IL1RAPL1: variants seen among roughly 807,000 people sequenced by gnomAD.
The protein encoded by IL1RAPL1 is interleukin 1 receptor accessory protein like 1.
Under a neutral mutation model 48.4 loss-of-function variants are expected in IL1RAPL1, and 3 were observed. The ratio of observed to expected loss-of-function variants is 0.06; its 90% CI spans 0.03 to 0.16. IL1RAPL1 has a LOEUF of 0.16. IL1RAPL1 is among the 10% of genes least tolerant of loss of function. IL1RAPL1 has a pLI of 1.00. For synonymous variants in IL1RAPL1, 185 were observed against 187.7 expected (o/e 0.99, Z 0.12); for missense variants, 349 against 530.6 (o/e 0.66, Z 3.36).
At chrX:28,915,271 G>A (rs1923460952) in intron 2 of IL1RAPL1, among the ~76,000 whole-genome samples, 1 of 111,406 alleles carries the variant, frequency 9.0e-6, no homozygotes, top group African/African-American at 3.3e-5. Context: ...CCATAGACCA[G>A]TACCAGTCCA....
intron 3 of IL1RAPL1, among the ~76,000 whole-genome samples, chrX:29,325,046 C>T (rs1164232796): frequency 9.0e-6 from 1 of 111,680 alleles, no homozygotes; most frequent in African/African-American, 3.3e-5. Context: ...TTTTTGACTT[C>T]TCTCTCATGT....
intron 2 of IL1RAPL1, among the ~76,000 whole-genome samples, chrX:28,934,913 A>G (rs187662211): frequency 1.1e-4 from 12 of 111,540 alleles, no homozygotes; most frequent in African/African-American, 3.9e-4. Context: ...GTAACTCTAT[A>G]TTTAACTTCC....
chrX:28,731,964 C>T (rs982544608), intron 1 of IL1RAPL1, among the ~76,000 whole-genome samples: 32 of 111,331 alleles, frequency 2.9e-4, no homozygotes, highest in African/African-American at 9.8e-4. Flanking sequence ...ATCAAAGCGA[C>T]GCTACAGGCA....
At chrX:29,563,869 A>G (rs1421086539) in intron 5 of IL1RAPL1, among the ~76,000 whole-genome samples, 1 of 112,196 alleles carries the variant, frequency 8.9e-6, no homozygotes, top group African/African-American at 3.2e-5. Context: ...AGGAGTTTCA[A>G]AGGGAGGCTG....
intron 5 of IL1RAPL1, among the ~76,000 whole-genome samples, chrX:29,532,032 GA>G (rs1921056914): frequency 8.9e-6 from 1 of 111,773 alleles, no homozygotes; most frequent in Non-Finnish European, 1.9e-5. Context: ...TTCGCGGGGA[GA>G]GGGGGGGCGC....
chrX:29,159,839 G>A lies in IL1RAPL1; in HGVS notation c.83-123099G>A, dbSNP rs184817376. Among the ~76,000 whole-genome samples, 39 of 111,691 alleles carry A rather than the reference G, an allele frequency of 3.5e-4. No individual in the cohort carries two copies. In the East Asian group the frequency reaches 4.5e-3, roughly 13 times the overall value. On this transcript the variant is annotated intron_variant, in intron 2 of 10. Coordinates refer to ENST00000378993, the MANE Select transcript of IL1RAPL1 (RefSeq NM_014271.4). ...TGATTCTCCTGCCTTAGCCTCCCGAGTAGCTGGGATTACAGGCAAGAGCCA... is the reference window on the plus strand; with the variant it reads ...TGATTCTCCTGCCTTAGCCTCCCGAATAGCTGGGATTACAGGCAAGAGCCA...
rs781417092 is a variant in IL1RAPL1, at chrX:29,802,116, GC to G, written c.779-115346del. On this transcript the variant is annotated intron_variant, in intron 6 of 10. Transcript: ENST00000378993. ...GTGTTTGATTTGGTGGGGGCCATTGGCCAAAGTTTGATCCCACTCATTTGAA... is the reference window on the plus strand; with the variant it reads ...GTGTTTGATTTGGTGGGGGCCATTGGCAAAGTTTGATCCCACTCATTTGAA... Among the ~76,000 whole-genome samples the G allele has an allele frequency of 3.9e-3, 435 of 111,788 alleles. 1 individual carries two copies. Among genetic ancestry groups the G allele is most frequent in the Non-Finnish European group, 6.8e-3 (359 of 53,133 alleles).
intron 9 of IL1RAPL1, among the ~76,000 whole-genome samples, chrX:29,945,157 C>G (rs1054293582): frequency 9.0e-6 from 1 of 111,584 alleles, no homozygotes; most frequent in African/African-American, 3.3e-5. Context: ...CCTGAGGGCC[C>G]CCTTCTCAGA....
intron 2 of IL1RAPL1, among the ~76,000 whole-genome samples, chrX:29,040,110 A>C (rs2147415919): frequency 8.9e-6 from 1 of 112,577 alleles, no homozygotes; most frequent in African/African-American, 3.2e-5. Context: ...TTGAAAAGTC[A>C]GTTTAATAAA....
chrX:29,768,669 T>C (rs1001331151), intron 6 of IL1RAPL1, among the ~76,000 whole-genome samples: 2 of 111,980 alleles, frequency 1.8e-5, no homozygotes, highest in African/African-American at 6.5e-5. Flanking sequence ...TAGATTTTTT[T>C]CCCAGACATA....
At chrX:28,830,738 G>T (rs1039191418) in intron 2 of IL1RAPL1, among the ~76,000 whole-genome samples, 1 of 109,649 alleles carries the variant, frequency 9.1e-6, no homozygotes, top group Non-Finnish European at 1.9e-5. Flanking sequence ...AATTTTTTTT[G>T]TTCAACATGG....
chrX:29,459,560 T>C (rs1295684598), intron 5 of IL1RAPL1, among the ~76,000 whole-genome samples: 1 of 110,778 alleles, frequency 9.0e-6, no homozygotes, highest in African/African-American at 3.3e-5. Flanking sequence ...AAGGAGACAA[T>C]GAGGGCCCCA....
chrX:28,729,550 A>G (rs1935727492), intron 1 of IL1RAPL1, among the ~76,000 whole-genome samples: 1 of 111,190 alleles, frequency 9.0e-6, no homozygotes, highest in African/African-American at 3.3e-5. Flanking sequence ...GCTAAGTTCA[A>G]AGAAGCTTTA....
At chrX:28,727,094 G>A (rs4617331) in intron 1 of IL1RAPL1, among the ~76,000 whole-genome samples, 3,218 of 111,415 alleles carry the variant, frequency 0.029, 128 homozygotes, top group African/African-American at 0.1. Flanking sequence ...GCTTGATGGG[G>A]ATGGCATTGA....
At chrX:28,867,320 G>T (rs1181490975) in intron 2 of IL1RAPL1, among the ~76,000 whole-genome samples, 7 of 111,447 alleles carry the variant, frequency 6.3e-5, no homozygotes, top group Non-Finnish European at 1.1e-4. Flanking sequence ...TGGCATGGAG[G>T]TGTGATGGCT....
intron 2 of IL1RAPL1, among the ~76,000 whole-genome samples, chrX:29,151,954 G>C (rs915027799): frequency 5.4e-5 from 6 of 111,784 alleles, no homozygotes; most frequent in African/African-American, 1.9e-4. Flanking sequence ...AATCTTCTTA[G>C]TGTACATCTG....
chrX:28,965,046 C>T (rs930457595), intron 2 of IL1RAPL1, among the ~76,000 whole-genome samples: 5 of 111,357 alleles, frequency 4.5e-5, no homozygotes, highest in Non-Finnish European at 1.9e-5. Context: ...CACATAGACA[C>T]AAAGCTCAAT....
chrX:29,369,274 C>A (rs1933511439), intron 3 of IL1RAPL1: 1 of 109,638 alleles, frequency 9.1e-6, no homozygotes, highest in Non-Finnish European at 1.9e-5. Flanking sequence ...ATGAGGGAAC[C>A]AAGTGGAAGC....
intron 2 of IL1RAPL1, among the ~76,000 whole-genome samples, chrX:29,032,743 GCACACACACA>G (rs34159057): frequency 3.8e-5 from 4 of 105,623 alleles, no homozygotes; most frequent in African/African-American, 1.0e-4. Flanking sequence ...ACGTGGGCAT[GCACACACACA>G]CACACACACA....
Sources: gnomAD v4.1 joint callset for allele counts (sites outside exome capture counted in the v4.1 genomes callset) on GRCh38, gnomAD v4.1.1 for gene constraint, MANE v1.5 for transcripts, NCBI Gene and HGNC (gene_info 2026-07-23, HGNC 2026-07-21) for gene names.